HYCC1: variants seen among roughly 807,000 people sequenced by gnomAD.
HYCC1 encodes the protein hyccin PI4KA lipid kinase complex subunit 1.
the HYCC1 span, among the ~76,000 whole-genome samples, chr7:23,001,447 A>G: frequency 6.6e-6 from 1 of 152,172 alleles, no homozygotes; most frequent in Admixed American, 6.5e-5. Context: ...CCCTTGTCTC[A>G]TAAATAATTT....
chr7:22,994,662 C>T, the HYCC1 span, among the ~76,000 whole-genome samples: 5 of 152,256 alleles, frequency 3.3e-5, no homozygotes, highest in East Asian at 9.6e-4. Flanking sequence ...AGCACGCATG[C>T]AAGCTCAGAA....
the HYCC1 span, chr7:22,961,203 A>ATT: frequency 7.4e-7 from 1 of 1,359,976 alleles, no homozygotes; most frequent in Non-Finnish European, 1.1e-6. Context: ...ATCTTAAATT[A>ATT]TAACATTTAC....
At chr7:22,928,077 A>G in the HYCC1 span, among the ~76,000 whole-genome samples, 2 of 152,234 alleles carry the variant, frequency 1.3e-5, no homozygotes, top group African/African-American at 4.8e-5. Context: ...AGAACCAAAG[A>G]CAAAAACCAC....
the HYCC1 span, among the ~76,000 whole-genome samples, chr7:22,957,279 T>C: frequency 7.0e-6 from 1 of 143,764 alleles, no homozygotes; most frequent in Non-Finnish European, 1.5e-5. Context: ...ATTACGTATA[T>C]TCTTTTATGG....
the HYCC1 span, among the ~76,000 whole-genome samples, chr7:22,897,553 A>G: frequency 6.6e-6 from 1 of 152,238 alleles, no homozygotes; most frequent in Non-Finnish European, 1.5e-5. Flanking sequence ...TGAGAATTAA[A>G]TAAGATAGTA....
At chr7:22,968,044 C>G in the HYCC1 span, among the ~76,000 whole-genome samples, 1 of 152,148 alleles carries the variant, frequency 6.6e-6, no homozygotes, top group Non-Finnish European at 1.5e-5. Context: ...ATAAAACTAT[C>G]TATTACAGAG....
chr7:22,952,467 T>C, the HYCC1 span, among the ~76,000 whole-genome samples: 435 of 151,998 alleles, frequency 2.9e-3, 2 homozygotes, highest in African/African-American at 0.01. Context: ...GCTTAGTACG[T>C]TGAAGTGTTA....
At chr7:22,934,178 T>C in the HYCC1 span, 3 of 151,576 alleles carry the variant, frequency 2.0e-5, no homozygotes, top group African/African-American at 7.3e-5. Flanking sequence ...TTTTTCTGGC[T>C]TTCAGCAAGT....
the HYCC1 span, among the ~76,000 whole-genome samples, chr7:22,977,950 C>A: frequency 1.9e-3 from 285 of 152,174 alleles, 5 homozygotes; most frequent in African/African-American, 6.6e-3. Context: ...CTGTGAAGGT[C>A]AGAAACAGAT....
At chr7:22,907,888 A>G in the HYCC1 span, among the ~76,000 whole-genome samples, 2 of 152,310 alleles carry the variant, frequency 1.3e-5, no homozygotes, top group South Asian at 4.1e-4. Context: ...CTCCAGCCTG[A>G]GCAACAGAAC....
the HYCC1 span, among the ~76,000 whole-genome samples, chr7:22,972,193 G>A: frequency 6.6e-6 from 1 of 152,096 alleles, no homozygotes; most frequent in African/African-American, 2.4e-5. Flanking sequence ...AGTGGCTGAT[G>A]CTGCATTAAG....
At chr7:22,908,108 T>G in the HYCC1 span, among the ~76,000 whole-genome samples, 6 of 152,138 alleles carry the variant, frequency 3.9e-5, no homozygotes. Context: ...CTCCAAATTT[T>G]CTGAGTTTAT....
chr7:23,008,811 T>G, the HYCC1 span, among the ~76,000 whole-genome samples: 1 of 152,050 alleles, frequency 6.6e-6, no homozygotes, highest in Non-Finnish European at 1.5e-5. Context: ...TTAAAATAAC[T>G]GAACCATCAC....
the HYCC1 span, among the ~76,000 whole-genome samples, chr7:22,987,254 T>G: frequency 6.6e-6 from 1 of 152,100 alleles, no homozygotes; most frequent in Non-Finnish European, 1.5e-5. Context: ...AGTTGGTACA[T>G]AAAGAAAATA....
the HYCC1 span, chr7:22,946,032 G>T: frequency 2.5e-6 from 4 of 1,613,512 alleles, no homozygotes; most frequent in Non-Finnish European, 3.4e-6. Context: ...CCTATACTTG[G>T]CTTGTTACTA....
chr7:22,975,766 G>T, the HYCC1 span, among the ~76,000 whole-genome samples: 1 of 152,110 alleles, frequency 6.6e-6, no homozygotes, highest in Non-Finnish European at 1.5e-5. Flanking sequence ...GCCCAGACTG[G>T]AGTGCAGTGG....
At chr7:22,915,608 C>T in the HYCC1 span, among the ~76,000 whole-genome samples, 2 of 152,202 alleles carry the variant, frequency 1.3e-5, no homozygotes, top group Non-Finnish European at 2.9e-5. Context: ...CTGATTGCCT[C>T]GGAAGCCTCC....
the HYCC1 span, among the ~76,000 whole-genome samples, chr7:22,980,231 T>TA: frequency 3.3e-5 from 5 of 151,874 alleles, no homozygotes; most frequent in Admixed American, 3.3e-4. Context: ...AAAGGAGCAT[T>TA]AGAACCTGCT....
chr7:22,993,870 A>T, the HYCC1 span, among the ~76,000 whole-genome samples: 6 of 152,210 alleles, frequency 3.9e-5, no homozygotes, highest in African/African-American at 1.4e-4. Context: ...GGATATATAC[A>T]TATACTCTAC....
Sources: allele counts gnomAD v4.1 joint callset (sites outside exome capture counted in the v4.1 genomes callset), GRCh38; gene constraint gnomAD v4.1.1; transcripts MANE v1.5; gene names NCBI Gene and HGNC (gene_info 2026-07-23, HGNC 2026-07-21).